Variants in CNTNAP5 observed in about 807,000 individuals in gnomAD.
The protein encoded by CNTNAP5 is contactin-associated protein-like 5.
A neutral mutation model predicts 150.2 loss-of-function variants in CNTNAP5; 72 were observed. The ratio of observed to expected loss-of-function variants is 0.48; its 90% CI spans 0.40 to 0.58. CNTNAP5 has a LOEUF of 0.58. Ranked by LOEUF, CNTNAP5 falls within the 20% of genes least tolerant of loss-of-function variation. CNTNAP5 has a pLI of 0.00. For missense variants in CNTNAP5, 1,636 were observed against 1,626.2 expected, an observed-to-expected ratio of 1.01 and a Z score of -0.10; for synonymous variants, 672 against 619.8, an observed-to-expected ratio of 1.08 and a Z score of -1.25.
intron 13 of CNTNAP5, among the ~76,000 whole-genome samples, chr2:124,678,178 A>C (rs900838101): frequency 6.6e-6 from 1 of 151,674 alleles, no homozygotes; most frequent in African/African-American, 2.4e-5. Context: ...TAGGAATCCA[A>C]CCTAATGATG....
At chr2:124,712,178 C>A (rs1679821785) in intron 13 of CNTNAP5, among the ~76,000 whole-genome samples, 1 of 152,118 alleles carries the variant, frequency 6.6e-6, no homozygotes, top group Non-Finnish European at 1.5e-5. Flanking sequence ...GACTTACCTC[C>A]CTTCAGACTC....
intron 7 of CNTNAP5, among the ~76,000 whole-genome samples, chr2:124,490,741 A>C (rs1479302993): frequency 1.3e-5 from 2 of 152,082 alleles, no homozygotes; most frequent in Non-Finnish European, 1.5e-5. Flanking sequence ...CTTCATATAA[A>C]AGTAAAATAA....
intron 19 of CNTNAP5, among the ~76,000 whole-genome samples, chr2:124,802,997 C>T (rs374639208): frequency 3.1e-4 from 47 of 151,950 alleles, no homozygotes; most frequent in African/African-American, 1.1e-3. Context: ...TGCCTTTAGT[C>T]CCAGCTACTC....
At chr2:124,446,289 G>A (rs1692813508) in intron 5 of CNTNAP5, among the ~76,000 whole-genome samples, 1 of 152,026 alleles carries the variant, frequency 6.6e-6, no homozygotes, top group South Asian at 2.1e-4. Context: ...ATGACATATG[G>A]GATGATTATT....
intron 13 of CNTNAP5, among the ~76,000 whole-genome samples, chr2:124,697,009 G>T (rs1360080098): frequency 6.6e-6 from 1 of 152,048 alleles, no homozygotes; most frequent in Non-Finnish European, 1.5e-5. Context: ...GTCTCAGGAA[G>T]GTTAATTGAC....
chr2:124,690,579 G>T (rs1187597493), intron 13 of CNTNAP5, among the ~76,000 whole-genome samples: 1 of 151,878 alleles, frequency 6.6e-6, no homozygotes, highest in Admixed American at 6.6e-5. Flanking sequence ...GTCACTCAAG[G>T]CCCTCTGTGA....
intron 1 of CNTNAP5, among the ~76,000 whole-genome samples, chr2:124,111,480 G>A (rs953701227): frequency 5.9e-5 from 9 of 152,128 alleles, no homozygotes; most frequent in Admixed American, 3.3e-4. Context: ...TGATGCATAT[G>A]AGCCTGTATC....
intron 11 of CNTNAP5, among the ~76,000 whole-genome samples, chr2:124,587,001 C>T (rs1558965479): frequency 1.3e-5 from 2 of 152,140 alleles, no homozygotes; most frequent in African/African-American, 2.4e-5. Flanking sequence ...TGGACTTGGA[C>T]AAGTCAGAGT....
At chr2:124,432,017 C>T (rs1351951761) in intron 4 of CNTNAP5, among the ~76,000 whole-genome samples, 1 of 152,108 alleles carries the variant, frequency 6.6e-6, no homozygotes, top group Admixed American at 6.6e-5. Flanking sequence ...GCTCTGTGCT[C>T]AGTGCTGGTG....
intron 1 of CNTNAP5, among the ~76,000 whole-genome samples, chr2:124,080,615 A>G (rs1339612392): frequency 6.6e-6 from 1 of 152,224 alleles, no homozygotes; most frequent in Non-Finnish European, 1.5e-5. Context: ...CCAATTGCAT[A>G]GAAAACACTG....
chr2:124,740,717 G>A (rs1280341059), intron 13 of CNTNAP5, among the ~76,000 whole-genome samples: 2 of 152,114 alleles, frequency 1.3e-5, no homozygotes, highest in African/African-American at 4.8e-5. Context: ...TATATAACCA[G>A]TTGCCAAAGC....
intron 6 of CNTNAP5, among the ~76,000 whole-genome samples, chr2:124,448,269 A>AAATAATAATAAT (rs869148616): frequency 0.034 from 4,957 of 144,200 alleles, 102 homozygotes; most frequent in South Asian, 0.038. Context: ...CTCCGTCTTA[A>AAATAATAATAAT]AATAATAATA....
chr2:124,229,615 A>G (rs1044136197), intron 2 of CNTNAP5, among the ~76,000 whole-genome samples: 3 of 152,196 alleles, frequency 2.0e-5, no homozygotes, highest in African/African-American at 7.2e-5. Flanking sequence ...AATCTATATA[A>G]TTGTGGCTTA....
intron 11 of CNTNAP5, among the ~76,000 whole-genome samples, chr2:124,571,005 T>C (rs1390769693): frequency 6.6e-6 from 1 of 152,182 alleles, no homozygotes; most frequent in Non-Finnish European, 1.5e-5. Flanking sequence ...ACCTGTCATA[T>C]GGGGCTAATG....
chr2:124,780,834 C>T (rs1558772766), intron 17 of CNTNAP5, among the ~76,000 whole-genome samples: 1 of 152,220 alleles, frequency 6.6e-6, no homozygotes, highest in Non-Finnish European at 1.5e-5. Context: ...CAGGATTTGG[C>T]CTCAGCCACT....
At chr2:124,132,370 C>T (rs1476662802) in intron 1 of CNTNAP5, among the ~76,000 whole-genome samples, 1 of 152,300 alleles carries the variant, frequency 6.6e-6, no homozygotes, top group African/African-American at 2.4e-5. Flanking sequence ...GTGAGCTGAA[C>T]TGTGCTGAAC....
intron 19 of CNTNAP5, among the ~76,000 whole-genome samples, chr2:124,821,412 C>G (rs1178638524): frequency 6.6e-6 from 1 of 152,198 alleles, no homozygotes; most frequent in Non-Finnish European, 1.5e-5. Flanking sequence ...CCTTGAAACA[C>G]AGATGACTGG....
chr2:124,345,656 A>C (rs811902), intron 3 of CNTNAP5, among the ~76,000 whole-genome samples: 115,577 of 152,092 alleles, frequency 0.76, 45,109 homozygotes, highest in African/African-American at 0.94. Flanking sequence ...AAAAAGTTTT[A>C]ATCTTGGCTG....
At chr2:124,293,886 A>G (rs1476140101) in intron 3 of CNTNAP5, among the ~76,000 whole-genome samples, 1 of 152,110 alleles carries the variant, frequency 6.6e-6, no homozygotes, top group Non-Finnish European at 1.5e-5. Flanking sequence ...AAGCAGTGAG[A>G]GTGGAGCTGA....
Sources: allele counts gnomAD v4.1 joint callset (sites outside exome capture counted in the v4.1 genomes callset), GRCh38; gene constraint gnomAD v4.1.1; transcripts MANE v1.5; gene names NCBI Gene and HGNC (gene_info 2026-07-23, HGNC 2026-07-21).